The following ABHD2 variants were observed in gnomAD, a reference collection of about 807,000 sequenced individuals.
The protein encoded by ABHD2 is abhydrolase domain containing 2, acylglycerol lipase.
ABHD2 carries 20 observed loss-of-function variants against 48.1 expected under a neutral mutation model. The ratio of observed to expected loss-of-function variants is 0.42; its 90% CI spans 0.29 to 0.60. The LOEUF (loss-of-function observed/expected upper bound fraction) is 0.60. Ranked by LOEUF, ABHD2 falls within the 20% of genes least tolerant of loss-of-function variation. ABHD2 has a pLI of 0.24. For missense variants in ABHD2, 405 were observed against 550.9 expected (o/e 0.74, Z 2.65); for synonymous variants, 209 against 214.2 (o/e 0.98, Z 0.21).
the ABHD2 span, among the ~76,000 whole-genome samples, chr15:89,059,846 T>C: frequency 2.1e-3 from 315 of 152,176 alleles, 3 homozygotes; most frequent in Middle Eastern, 0.014. Flanking sequence ...TGCTGCAGGG[T>C]CCGTGGCCGA....
intron 5 of ABHD2, among the ~76,000 whole-genome samples, chr15:89,161,377 T>C (rs1414712198): frequency 6.6e-6 from 1 of 151,936 alleles, no homozygotes; most frequent in African/African-American, 2.4e-5. Context: ...CTCTCAAAGA[T>C]TATTTTGTTT....
chr15:89,127,692 A>AATATATATATATAT (rs773255117), intron 3 of ABHD2, among the ~76,000 whole-genome samples: 1 of 121,736 alleles, frequency 8.2e-6, no homozygotes, highest in African/African-American at 4.4e-5. Flanking sequence ...CTTCTCAGTG[A>AATATATATATATAT]ATATATATAT....
rs1381284945 is a variant in ABHD2 at position 89,171,381 on chromosome 15, C to T, written c.539-4431C>T. ...CAGTTCCCAGGCAATGCTGATGCTG[C>T]TTGCTCAGGGGCCACACTCTGAGAA... On this transcript the variant is annotated intron_variant, in intron 5 of 10. Transcript: ENST00000352732. Among the ~76,000 whole-genome samples the T allele has an allele frequency of 2.0e-5, 3 of 152,184 alleles. 1 individual carries two copies. The highest frequency in any genetic ancestry group is 7.2e-5 in the African/African-American group (3 of 41,442).
In ABHD2 at chr15:89,200,708, A is replaced by G. The variant is rs547873949; in HGVS notation, c.*5285A>G. ...CCATACTACCAATGAAATGGTAGGTAAACAAATCTTCTGGTCAAGAGAAAA... is the reference window on the plus strand; with the variant it reads ...CCATACTACCAATGAAATGGTAGGTGAACAAATCTTCTGGTCAAGAGAAAA... On this transcript the variant is annotated 3_prime_UTR_variant, in exon 11 of 11. Coordinates refer to ENST00000352732, the MANE Select transcript of ABHD2 (RefSeq NM_152924.5). 33 of 229,120 alleles carry G rather than the reference A, an allele frequency of 1.4e-4. No homozygotes were observed. In the South Asian group the frequency reaches 2.4e-3, roughly 16 times the overall value. The allele number at this position is 229,120 out of a possible 1,614,324, so 14.2% of individuals were successfully genotyped here. A position where few individuals can be genotyped will look rare whatever the true frequency, so the allele number is the denominator to read the frequency against.
chr15:89,057,064 C>G, the ABHD2 span, among the ~76,000 whole-genome samples: 1 of 152,030 alleles, frequency 6.6e-6, no homozygotes, highest in Non-Finnish European at 1.5e-5. Context: ...CAGGCACACG[C>G]CACCACGCCC....
rs2051194072 is a variant in ABHD2 at position 89,185,607 on chromosome 15, AG to A, written c.815+95del. ...GAAAAGCCAGGACTCCTGTTCCTTC[AG>A]GGGAAAAAAAAAAATGCAGGTGTGG... On this transcript the variant is annotated intron_variant, in intron 7 of 10. Coordinates refer to ENST00000352732, the MANE Select transcript of ABHD2 (RefSeq NM_152924.5). The surrounding 1 kb of genome is among the most constrained non-coding windows in gnomAD (Gnocchi z 5.9). 3.5e-6 allele frequency: 4 copies of A among 1,130,152 alleles called. No homozygotes were observed. The highest frequency in any genetic ancestry group is 5.2e-6 in the Non-Finnish European group (4 of 768,578). The allele number at this position is 1,130,152 out of a possible 1,614,324, so 70.0% of individuals were successfully genotyped here.
At chr15:89,054,964 G>A in the ABHD2 span, among the ~76,000 whole-genome samples, 3 of 152,204 alleles carry the variant, frequency 2.0e-5, no homozygotes, top group South Asian at 4.2e-4. Flanking sequence ...GGTGGCTCAC[G>A]ACTGTAATCC....
At chr15:89,145,784 G>A (rs2050481695) in intron 3 of ABHD2, among the ~76,000 whole-genome samples, 1 of 152,138 alleles carries the variant, frequency 6.6e-6, no homozygotes, top group Non-Finnish European at 1.5e-5. Flanking sequence ...GTAGGGTGGG[G>A]GGACACTGGT....
chr15:89,062,485 A>G, the ABHD2 span, among the ~76,000 whole-genome samples: 2 of 152,028 alleles, frequency 1.3e-5, no homozygotes, highest in Admixed American at 6.5e-5. Flanking sequence ...CCCGGGCTCA[A>G]GAAGGGAGTA....
the ABHD2 span, among the ~76,000 whole-genome samples, chr15:89,053,635 G>C: frequency 6.6e-6 from 1 of 152,226 alleles, no homozygotes; most frequent in Non-Finnish European, 1.5e-5. Context: ...GGCCATGGAA[G>C]AATCATGCAT....
rs1288794793 is a variant in ABHD2 at position 89,168,815 on chromosome 15, T to A, written c.539-6997T>A. Among the ~76,000 whole-genome samples the A allele has an allele frequency of 6.6e-6, 1 of 152,162 alleles. No individual in the cohort carries two copies. The highest frequency in any genetic ancestry group is 1.9e-4 in the East Asian group (1 of 5,184). ...AGCTGGGTGCAGTGGCTCACACCTG[T>A]AATCTCAGCACTTTGGGAAAGGAAG... On this transcript the variant is annotated intron_variant, in intron 5 of 10. Coordinates refer to ENST00000352732, the MANE Select transcript of ABHD2 (RefSeq NM_152924.5). The surrounding 1 kb of genome is among the most constrained non-coding windows in gnomAD (Gnocchi z 4.8).
In ABHD2 at chr15:89,195,418, G is replaced by C. The variant is rs2051384603; in HGVS notation, c.1273G>C (p.Glu425Gln). The C allele has an allele frequency of 1.2e-6, 2 of 1,613,096 alleles. No individual in the cohort carries two copies. Among genetic ancestry groups the C allele is most frequent in the African/African-American group, 2.7e-5 (2 of 74,916 alleles). The change falls in exon 11 of 11, where the codon GAG (glutamate) becomes CAG (glutamine). Residue 425 changes from glutamate to glutamine, a missense_variant. Coordinates refer to ENST00000352732, the MANE Select transcript of ABHD2 (RefSeq NM_152924.5). The surrounding 1 kb of genome is among the most constrained non-coding windows in gnomAD (Gnocchi z 5.1). The part of the protein sequence containing the change: ...SDTEQVEADL[E>Q] ...CACGGAGCAGGTGGAGGCCGACCTG[G>C]AGTGAGGCCTCCGGACTCTGGCACG...
rs1204987541 is a variant in ABHD2, at chr15:89,179,949, T to G, written c.722+3954T>G. Among the ~76,000 whole-genome samples, 1 of 152,262 alleles carries G rather than the reference T, an allele frequency of 6.6e-6. No individual in the cohort carries two copies. Among genetic ancestry groups the G allele is most frequent in the Non-Finnish European group, 1.5e-5 (1 of 68,044 alleles). On this transcript the variant is annotated intron_variant, in intron 6 of 10. Coordinates refer to ENST00000352732, the MANE Select transcript of ABHD2 (RefSeq NM_152924.5). The surrounding 1 kb of genome is among the most constrained non-coding windows in gnomAD (Gnocchi z 4.3). Reference sequence around the variant, plus strand: ...CTTTTCCTGCCAAATGGTGGGGATATTGTCTCTCTTGCTTTTGATGGGCAA... The same window carrying G: ...CTTTTCCTGCCAAATGGTGGGGATAGTGTCTCTCTTGCTTTTGATGGGCAA...
chr15:89,148,135 A>C (rs950539126), intron 3 of ABHD2, among the ~76,000 whole-genome samples: 11 of 151,098 alleles, frequency 7.3e-5, no homozygotes, highest in Non-Finnish European at 1.3e-4. Context: ...AAAAAAAAAA[A>C]AAAAAACTAC....
chr15:89,090,448 A>T (rs527446521), intron 1 of ABHD2: 8 of 151,948 alleles, frequency 5.3e-5, no homozygotes, highest in South Asian at 2.1e-4. Context: ...ACCACCCAAT[A>T]CTCTATCAAG....
At position 89,201,855 on chromosome 15, in the gene ABHD2, A is replaced by G. The variant is rs1046949904; in HGVS notation, c.*6432A>G. The G allele has an allele frequency of 9.2e-6, 8 of 872,504 alleles. No homozygotes were observed. The highest frequency in any genetic ancestry group is 2.0e-5 in the Admixed American group (1 of 49,812). The allele number at this position is 872,504 out of a possible 1,614,324, so 54.0% of individuals were successfully genotyped here. ...GCTTGCTCGCTGGGGGCGGGGGACGATGGCGAGAGGGGAGGGGGAGCGAGT... is the reference window on the plus strand; with the variant it reads ...GCTTGCTCGCTGGGGGCGGGGGACGGTGGCGAGAGGGGAGGGGGAGCGAGT... On this transcript the variant is annotated 3_prime_UTR_variant, in exon 11 of 11. Coordinates refer to ENST00000352732, the MANE Select transcript of ABHD2 (RefSeq NM_152924.5).
the ABHD2 span, among the ~76,000 whole-genome samples, chr15:89,067,389 A>G: frequency 1.3e-5 from 2 of 152,212 alleles, no homozygotes; most frequent in Admixed American, 1.3e-4. Flanking sequence ...TTAAGTTACA[A>G]TCGATCTAAT....
At chr15:89,183,559 T>C (rs1807485970) in intron 6 of ABHD2, among the ~76,000 whole-genome samples, 1 of 151,784 alleles carries the variant, frequency 6.6e-6, no homozygotes, top group African/African-American at 2.4e-5. Flanking sequence ...AACTCAATCT[T>C]AGCCAAAATA....
At chr15:89,087,325 C>G (rs116396104), upstream of ABHD2, 1 of 152,296 alleles carries the variant, frequency 6.6e-6, no homozygotes, top group South Asian at 2.1e-4. This position sits in a 1 kb window ranked among gnomAD's most constrained non-coding sequence, Gnocchi z 5.5. Flanking sequence ...GACTAAATCG[C>G]TCCTCTCATT....
Sources: allele counts gnomAD v4.1 joint callset (sites outside exome capture counted in the v4.1 genomes callset), GRCh38; gene constraint gnomAD v4.1.1; non-coding constraint Gnocchi (gnomAD v3.1); transcripts MANE v1.5; gene names NCBI Gene and HGNC (gene_info 2026-07-23, HGNC 2026-07-21).